Variants in ACVR1 observed in about 807,000 individuals in gnomAD.
ACVR1 encodes the protein activin receptor type-1.
ACVR1 carries 38 observed loss-of-function variants against 57.1 expected under a neutral mutation model. The observed-to-expected ratio is 0.67, with a 90% confidence interval of 0.51 to 0.87. ACVR1 has a LOEUF of 0.87. ACVR1 is among the 40% of genes least tolerant of loss of function. The pLI, the probability that ACVR1 is intolerant of heterozygous loss-of-function variation, is 0.00. For synonymous variants in ACVR1, 212 were observed against 228.1 expected (o/e 0.93, Z 0.63); for missense variants, 463 against 638.2 (o/e 0.73, Z 2.96).
At chr2:157,795,768 A>C (rs58494660) in intron 3 of ACVR1, among the ~76,000 whole-genome samples, 3,444 of 152,108 alleles carry the variant, frequency 0.023, 125 homozygotes, top group African/African-American at 0.079. Flanking sequence ...CATGGTTATT[A>C]GCATTGCTCC....
chr2:157,751,441 A>G (rs1292577013), intron 9 of ACVR1, among the ~76,000 whole-genome samples: 1 of 152,250 alleles, frequency 6.6e-6, no homozygotes, highest in African/African-American at 2.4e-5. Flanking sequence ...AACCGAATGC[A>G]AAGTTTCCTT....
At chr2:157,762,397 T>C (rs1685693961) in intron 8 of ACVR1, among the ~76,000 whole-genome samples, 1 of 152,222 alleles carries the variant, frequency 6.6e-6, no homozygotes, top group South Asian at 2.1e-4. Flanking sequence ...ATAGTATATA[T>C]AGAATCTGGT....
intron 1 of ACVR1, among the ~76,000 whole-genome samples, chr2:157,829,157 G>GT (rs1688498671): frequency 6.6e-6 from 1 of 152,186 alleles, no homozygotes; most frequent in Non-Finnish European, 1.5e-5. Context: ...CAGAAGTACA[G>GT]TAACAGTGGG....
chr2:157,826,203 G>A (rs759953105), intron 1 of ACVR1, among the ~76,000 whole-genome samples: 6 of 152,062 alleles, frequency 3.9e-5, no homozygotes, highest in Non-Finnish European at 7.4e-5. Flanking sequence ...TTTCTCCTAG[G>A]CTGTACTATT....
chr2:157,800,516 G>A (rs888906944), intron 2 of ACVR1, among the ~76,000 whole-genome samples: 2 of 151,424 alleles, frequency 1.3e-5, no homozygotes, highest in African/African-American at 2.4e-5. Context: ...TTTGGCTGGC[G>A]GTCTGTTTAC....
intron 3 of ACVR1, among the ~76,000 whole-genome samples, chr2:157,796,648 A>C (rs2105302431): frequency 6.6e-6 from 1 of 152,264 alleles, no homozygotes; most frequent in South Asian, 2.1e-4. Context: ...TTTAGTTCTC[A>C]ATATTCCTTA....
chr2:157,875,279 A>G (rs1359610664), intron 1 of ACVR1, among the ~76,000 whole-genome samples: 2 of 152,224 alleles, frequency 1.3e-5, no homozygotes, highest in African/African-American at 4.8e-5. Context: ...GCAGCTAGGA[A>G]GAACCGAGGG....
intron 1 of ACVR1, among the ~76,000 whole-genome samples, chr2:157,855,173 T>C (rs553315338): frequency 6.6e-6 from 1 of 150,676 alleles, no homozygotes; most frequent in South Asian, 2.1e-4. Flanking sequence ...CTCAGCTCTT[T>C]GGGAGGCCAA....
intron 1 of ACVR1, among the ~76,000 whole-genome samples, chr2:157,821,645 T>C (rs1200136976): frequency 1.3e-5 from 2 of 152,176 alleles, no homozygotes; most frequent in Admixed American, 6.5e-5. Flanking sequence ...TTTCCAAAAA[T>C]TTAGCCAACT....
chr2:157,815,732 A>T (rs1183014829), intron 2 of ACVR1, among the ~76,000 whole-genome samples: 1 of 152,252 alleles, frequency 6.6e-6, no homozygotes, highest in Non-Finnish European at 1.5e-5. Context: ...TGCTCAAAGG[A>T]TGGTAGCCAG....
intron 7 of ACVR1, among the ~76,000 whole-genome samples, chr2:157,768,954 G>A (rs557435459): frequency 1.3e-5 from 2 of 152,294 alleles, no homozygotes; most frequent in Non-Finnish European, 1.5e-5. Context: ...ACACAGAGAC[G>A]TTTAACTGCA....
chr2:157,859,331 T>C (rs951584989), intron 1 of ACVR1, among the ~76,000 whole-genome samples: 10 of 152,198 alleles, frequency 6.6e-5, no homozygotes, highest in African/African-American at 2.4e-4. Flanking sequence ...CAGGAAGTTA[T>C]CCTATATGGT....
chr2:157,775,445 A>G (rs1686244755), intron 5 of ACVR1, among the ~76,000 whole-genome samples: 1 of 152,208 alleles, frequency 6.6e-6, no homozygotes, highest in South Asian at 2.1e-4. Context: ...ATATTCCCCA[A>G]AGCTCATCCT....
chr2:157,807,354 G>A (rs759341595), intron 2 of ACVR1, among the ~76,000 whole-genome samples: 15 of 152,070 alleles, frequency 9.9e-5, no homozygotes, highest in African/African-American at 1.4e-4. Context: ...TGCCTTACTC[G>A]TACCTCAAAA....
intron 1 of ACVR1, among the ~76,000 whole-genome samples, chr2:157,852,216 G>A (rs913184887): frequency 5.9e-5 from 9 of 151,976 alleles, no homozygotes; most frequent in Admixed American, 5.2e-4. Context: ...ATAAAGAATA[G>A]GCCAGGTGCA....
chr2:157,777,369 T>A (rs1941924), intron 5 of ACVR1, among the ~76,000 whole-genome samples: 91,028 of 152,126 alleles, frequency 0.6, 33,025 homozygotes, highest in East Asian at 0.91. Flanking sequence ...GCTATAGGTG[T>A]AAAATACACA....
chr2:157,781,003 C>CA lies in ACVR1; in HGVS notation c.68-404dup, dbSNP rs889449952. ...AATGTTTATCACCTTTATTCTATTC[C>CA]AAAAAAAAAGCTCCTAAATATATGG... On this transcript the variant is annotated intron_variant, in intron 3 of 10. Coordinates refer to ENST00000434821, the MANE Select transcript of ACVR1 (RefSeq NM_001111067.4). Among the ~76,000 whole-genome samples the CA allele has an allele frequency of 2.2e-4, 33 of 150,172 alleles. 1 individual carries two copies. The highest frequency in any genetic ancestry group is 1.8e-3 in the East Asian group (9 of 5,140).
intron 2 of ACVR1, among the ~76,000 whole-genome samples, chr2:157,807,861 G>GGGC (rs1180457326): frequency 1.1e-5 from 1 of 89,338 alleles, no homozygotes; most frequent in Non-Finnish European, 2.2e-5. Flanking sequence ...ATTTGGGGGG[G>GGGC]GGGGTGGGTA....
Position 157,799,437 on chromosome 2 carries a change from AG to A in ACVR1, c.56del (p.Pro19LeufsTer39). 6.2e-7 allele frequency: 1 copy of A among 1,611,278 alleles called. No individual in the cohort carries two copies. The highest frequency in any genetic ancestry group is 8.5e-7 in the Non-Finnish European group (1 of 1,177,766). The part of the protein sequence containing the change: ...PVLIMIALPS[P>X]SMEDEKPKVN... The stretch of plus-strand genomic sequence containing the variant: ...ATGTGAGTCACTTACCTTCCATACT[AG>A]GGGAGGGGAGAGCAATCATGATAAG... On this transcript the variant is annotated frameshift_variant, in exon 3 of 11. Transcript: ENST00000434821. LOFTEE classifies it high-confidence loss of function.
Sources: allele counts gnomAD v4.1 joint callset (sites outside exome capture counted in the v4.1 genomes callset), GRCh38; gene constraint gnomAD v4.1.1; transcripts MANE v1.5; gene names NCBI Gene and HGNC (gene_info 2026-07-23, HGNC 2026-07-21).